Variants in MSI2 observed in about 807,000 individuals in gnomAD.
MSI2 encodes RNA-binding protein Musashi homolog 2.
In MSI2, 17 loss-of-function variants were observed where a neutral mutation model predicts 45.6. The observed-to-expected ratio is 0.37, with a 90% confidence interval of 0.26 to 0.56. MSI2 has a LOEUF of 0.56. Among genes scored for constraint, MSI2 ranks in the 20% least tolerant of loss-of-function variants. The pLI is 0.77. For synonymous variants in MSI2, 156 were observed against 158.2 expected, an observed-to-expected ratio of 0.99 and a Z score of 0.11; for missense variants, 293 against 444.2, an observed-to-expected ratio of 0.66 and a Z score of 3.06.
intron 4 of MSI2, 176 bp from the exon 5 acceptor site, chr17:57,261,975 G>A: frequency 1.6e-6 from 1 of 629,658 alleles, no homozygotes; most frequent in Non-Finnish European, 2.8e-6. Flanking sequence ...TACCTGATCT[G>A]TTGGAGGGAT....
rs76100627 is a variant in MSI2, at chr17:57,412,099, G to A, written c.405+10628G>A. ...GTCACCCAGGCTAGAGTATAGTGGC[G>A]CGACCTCAGCTCACTGCAACCTCTG... On this transcript the variant is annotated intron_variant, in intron 6 of 13. Transcript: ENST00000284073. Among the ~76,000 whole-genome samples the A allele has an allele frequency of 2.4e-4, 36 of 150,696 alleles. No homozygotes were observed. The East Asian group carries it at 6.9e-3, about 29-fold the overall frequency.
chr17:57,652,169 G>A lies in MSI2; in HGVS notation c.790+8G>A. The A allele has an allele frequency of 6.2e-7, 1 of 1,613,850 alleles. No homozygotes were observed. Among genetic ancestry groups the A allele is most frequent in the South Asian group, 1.1e-5 (1 of 91,052 alleles). On this transcript the variant is annotated splice_region_variant and intron_variant, in intron 11 of 13. Coordinates refer to ENST00000284073, the MANE Select transcript of MSI2 (RefSeq NM_138962.4). This position sits in a 1 kb window ranked among gnomAD's most constrained non-coding sequence, Gnocchi z 4.1. ...CGGCAGCAAGAGGATCAGGTAGGAA[G>A]GTGTATGGGACAGGCGACTCCCAGG...
chr17:57,352,754 TG>T (rs143901404), intron 5 of MSI2, among the ~76,000 whole-genome samples: 3,751 of 152,318 alleles, frequency 0.025, 170 homozygotes, highest in African/African-American at 0.086. Context: ...TCAAGCTTCT[TG>T]GTCTCTTCTT....
intron 6 of MSI2, among the ~76,000 whole-genome samples, chr17:57,470,755 T>C (rs560535371): frequency 8.5e-5 from 13 of 152,156 alleles, no homozygotes; most frequent in African/African-American, 3.1e-4. Flanking sequence ...GGGTGGAAGG[T>C]GGTAAAGCAG....
chr17:57,589,896 CTTG>C (rs1904665262), intron 7 of MSI2, among the ~76,000 whole-genome samples: 2 of 152,208 alleles, frequency 1.3e-5, no homozygotes, highest in Non-Finnish European at 2.9e-5. Context: ...GCAGAGTTGC[CTTG>C]GGGACCAGGT....
At chr17:57,590,316 A>T (rs1008279696) in intron 7 of MSI2, among the ~76,000 whole-genome samples, 3 of 152,224 alleles carry the variant, frequency 2.0e-5, no homozygotes, top group African/African-American at 4.8e-5. Flanking sequence ...TGACCTAAAA[A>T]AAAATTCTCT....
At chr17:57,367,147 G>A (rs1176794566) in intron 5 of MSI2, among the ~76,000 whole-genome samples, 1 of 152,172 alleles carries the variant, frequency 6.6e-6, no homozygotes, top group African/African-American at 2.4e-5. Context: ...GAAGAATGAG[G>A]CAGCATTTTG....
chr17:57,372,324 A>C (rs146889855), intron 5 of MSI2, among the ~76,000 whole-genome samples: 1 of 152,370 alleles, frequency 6.6e-6, no homozygotes, highest in African/African-American at 2.4e-5. Context: ...TGAAGATGGA[A>C]ATAGTTTTCC....
intron 6 of MSI2, among the ~76,000 whole-genome samples, chr17:57,509,048 C>T (rs765511679): frequency 6.6e-6 from 1 of 152,214 alleles, no homozygotes; most frequent in Non-Finnish European, 1.5e-5. Context: ...TCGGGCAGCC[C>T]TGCCTCCATC....
chr17:57,374,978 C>T (rs1350262956), intron 5 of MSI2, among the ~76,000 whole-genome samples: 1 of 152,134 alleles, frequency 6.6e-6, no homozygotes, highest in African/African-American at 2.4e-5. Context: ...CATCCCTGAA[C>T]ATTCCCCATA....
At chr17:57,445,706 G>A (rs1247197458) in intron 6 of MSI2, among the ~76,000 whole-genome samples, 1 of 152,114 alleles carries the variant, frequency 6.6e-6, no homozygotes, top group Non-Finnish European at 1.5e-5. Flanking sequence ...TAAGGAGGGG[G>A]CAGCATATAT....
At chr17:57,653,956 A>ATTTTT (rs1911386727) in intron 11 of MSI2, among the ~76,000 whole-genome samples, 1 of 132,418 alleles carries the variant, frequency 7.6e-6, no homozygotes, top group Non-Finnish European at 1.6e-5. Flanking sequence ...TTTTTTCGGG[A>ATTTTT]TCAATGGTGT....
chr17:57,511,252 C>G (rs550143063), intron 6 of MSI2, among the ~76,000 whole-genome samples: 1 of 152,264 alleles, frequency 6.6e-6, no homozygotes, highest in East Asian at 1.9e-4. Flanking sequence ...CAGGAACTTA[C>G]CATGGTCATG....
At chr17:57,271,893 T>C (rs1255878385) in intron 5 of MSI2, among the ~76,000 whole-genome samples, 1 of 151,832 alleles carries the variant, frequency 6.6e-6, no homozygotes, top group African/African-American at 2.4e-5. Context: ...AAAAGTTTTT[T>C]TCTTTTCTGC....
intron 10 of MSI2, among the ~76,000 whole-genome samples, chr17:57,636,480 C>T (rs1024721603): frequency 5.9e-5 from 9 of 152,196 alleles, no homozygotes; most frequent in Admixed American, 3.3e-4. Flanking sequence ...TGGCAGAGAC[C>T]TCTGCGGTCA....
the MSI2 span, among the ~76,000 whole-genome samples, chr17:57,691,697 G>A: frequency 1.3e-5 from 2 of 152,070 alleles, no homozygotes; most frequent in African/African-American, 4.8e-5. Flanking sequence ...TTGACCTTCA[G>A]CCTTGTTAAA....
chr17:57,631,857 G>T, intron 10 of MSI2: 1 of 1,611,690 alleles, frequency 6.2e-7, no homozygotes, highest in Non-Finnish European at 8.5e-7. Context: ...TAGCAAAGTG[G>T]GGGTTGCTAC....
intron 6 of MSI2, among the ~76,000 whole-genome samples, chr17:57,467,170 G>A (rs111488534): frequency 4.3e-4 from 66 of 152,342 alleles, no homozygotes; most frequent in African/African-American, 1.4e-3. Context: ...TATTGACCAA[G>A]CCTCTGTCCC....
At chr17:57,585,212 G>A (rs1384642869) in intron 7 of MSI2, among the ~76,000 whole-genome samples, 1 of 152,214 alleles carries the variant, frequency 6.6e-6, no homozygotes, top group Non-Finnish European at 1.5e-5. Context: ...ATCCCATCAT[G>A]ATAGTTGGTA....
Sources: allele counts gnomAD v4.1 joint callset (sites outside exome capture counted in the v4.1 genomes callset), GRCh38; gene constraint gnomAD v4.1.1; non-coding constraint Gnocchi (gnomAD v3.1); transcripts MANE v1.5; gene names NCBI Gene and HGNC (gene_info 2026-07-23, HGNC 2026-07-21).